Variants in CTNNA2 observed in about 807,000 individuals in gnomAD.
CTNNA2 encodes the protein catenin alpha 2.
CTNNA2 carries 42 observed loss-of-function variants against 101.0 expected under a neutral mutation model. The ratio of observed to expected loss-of-function variants is 0.42; its 90% CI spans 0.32 to 0.54. CTNNA2 has a LOEUF of 0.54. Ranked by LOEUF, CTNNA2 falls within the 20% of genes least tolerant of loss-of-function variation. The pLI is 0.14. For synonymous variants in CTNNA2, 450 were observed against 456.4 expected (o/e 0.99, Z 0.18); for missense variants, 871 against 1,223.1 (o/e 0.71, Z 4.29).
intron 9 of CTNNA2, among the ~76,000 whole-genome samples, chr2:80,467,953 G>A (rs60372717): frequency 0.017 from 2,625 of 152,188 alleles, 68 homozygotes; most frequent in African/African-American, 0.059. Flanking sequence ...ATAGTGTTTG[G>A]TTATAGCAGC....
chr2:80,241,548 A>G (rs930275972), intron 7 of CTNNA2, among the ~76,000 whole-genome samples: 1 of 151,774 alleles, frequency 6.6e-6, no homozygotes, highest in Non-Finnish European at 1.5e-5. Context: ...ATATATATCT[A>G]TACATCTGTA....
At chr2:80,562,716 G>A (rs1420113238) in intron 12 of CTNNA2, among the ~76,000 whole-genome samples, 1 of 151,982 alleles carries the variant, frequency 6.6e-6, no homozygotes, top group East Asian at 1.9e-4. Flanking sequence ...AATAAATTAT[G>A]GTCTAATCAC....
At chr2:79,902,468 G>T (rs770834824) in intron 6 of CTNNA2, among the ~76,000 whole-genome samples, 7 of 152,000 alleles carry the variant, frequency 4.6e-5, no homozygotes, top group Non-Finnish European at 8.8e-5. Context: ...GATAGATTTT[G>T]CATATTAATA....
chr2:79,464,039 G>A (rs1437038485), intron 4 of CTNNA2, among the ~76,000 whole-genome samples: 1 of 151,692 alleles, frequency 6.6e-6, no homozygotes. Context: ...CAATATGCAG[G>A]TTGGTTACAT....
chr2:80,436,643 C>T (rs577144717), intron 9 of CTNNA2, among the ~76,000 whole-genome samples: 1 of 152,266 alleles, frequency 6.6e-6, no homozygotes, highest in South Asian at 2.1e-4. Context: ...CTCACAGTTC[C>T]AGAGGCTGGG....
At chr2:79,277,456 C>A (rs1042949524) in intron 2 of CTNNA2, among the ~76,000 whole-genome samples, 1 of 151,942 alleles carries the variant, frequency 6.6e-6, no homozygotes, top group East Asian at 1.9e-4. Context: ...CAGGATGCAG[C>A]CTGGGGGCAA....
chr2:80,095,988 TG>T (rs1310084463), intron 7 of CTNNA2, among the ~76,000 whole-genome samples: 1 of 152,154 alleles, frequency 6.6e-6, no homozygotes, highest in Non-Finnish European at 1.5e-5. Context: ...AAGGGTTTTT[TG>T]TGTCTCTATT....
chr2:79,332,943 A>G (rs1676908666), intron 3 of CTNNA2, among the ~76,000 whole-genome samples: 1 of 143,246 alleles, frequency 7.0e-6, no homozygotes, highest in East Asian at 2.2e-4. Context: ...TTACTGCTCT[A>G]AATGGAAAAA....
At chr2:79,911,449 A>G (rs1202206365) in intron 7 of CTNNA2, among the ~76,000 whole-genome samples, 1 of 152,186 alleles carries the variant, frequency 6.6e-6, no homozygotes, top group Admixed American at 6.5e-5. Flanking sequence ...AAATCACAGA[A>G]CGTGACTAAA....
chr2:80,512,717 C>G (rs1238447411), intron 9 of CTNNA2, among the ~76,000 whole-genome samples: 1 of 151,676 alleles, frequency 6.6e-6, no homozygotes, highest in Non-Finnish European at 1.5e-5. Flanking sequence ...AGAATCACTA[C>G]ATTTGTTCAC....
chr2:79,244,015 G>T (rs1458365437), intron 2 of CTNNA2, among the ~76,000 whole-genome samples: 3 of 152,056 alleles, frequency 2.0e-5, no homozygotes, highest in Non-Finnish European at 2.9e-5. Context: ...GTTAACCCTG[G>T]CACCCTCTGA....
chr2:79,254,232 A>T (rs1674810437), intron 2 of CTNNA2, among the ~76,000 whole-genome samples: 1 of 152,198 alleles, frequency 6.6e-6, no homozygotes, highest in South Asian at 2.1e-4. Flanking sequence ...TCCCAGATCA[A>T]AGTGGAATGT....
chr2:79,473,892 A>G (rs114520053), intron 4 of CTNNA2, among the ~76,000 whole-genome samples: 379 of 152,304 alleles, frequency 2.5e-3, no homozygotes, highest in Non-Finnish European at 4.5e-3. Flanking sequence ...GCTTTGTCCA[A>G]TAGAATTTCT....
chr2:80,331,021 G>GGTTTTTTT (rs1559014558), intron 7 of CTNNA2, among the ~76,000 whole-genome samples: 1 of 139,680 alleles, frequency 7.2e-6, no homozygotes. Context: ...TAAACTGTAT[G>GGTTTTTTT]TTTTTTTTTT....
At chr2:79,912,903 T>TA (rs1177070884) in intron 7 of CTNNA2, among the ~76,000 whole-genome samples, 1 of 152,176 alleles carries the variant, frequency 6.6e-6, no homozygotes, top group Non-Finnish European at 1.5e-5. Context: ...GGTGGCAGTA[T>TA]AAACATAACA....
At chr2:80,430,724 T>A (rs924156237) in intron 9 of CTNNA2, among the ~76,000 whole-genome samples, 1 of 152,162 alleles carries the variant, frequency 6.6e-6, no homozygotes, top group Non-Finnish European at 1.5e-5. Flanking sequence ...ACATTAGACA[T>A]TAGAAGGTTA....
chr2:80,416,039 T>G (rs902429427), intron 8 of CTNNA2, among the ~76,000 whole-genome samples: 4 of 152,044 alleles, frequency 2.6e-5, no homozygotes, highest in Admixed American at 6.6e-5. Flanking sequence ...AGCCAGTGGT[T>G]GCTAGGGGCT....
intron 7 of CTNNA2, among the ~76,000 whole-genome samples, chr2:80,196,678 C>G (rs1706851602): frequency 6.6e-6 from 1 of 151,958 alleles, no homozygotes; most frequent in Admixed American, 6.6e-5. Context: ...ATGATTACTT[C>G]TTCCTGGACT....
chr2:79,699,816 C>CACAA (rs1684880177), intron 2 of CTNNA2, among the ~76,000 whole-genome samples: 3 of 119,694 alleles, frequency 2.5e-5, no homozygotes, highest in African/African-American at 2.9e-5. Context: ...CACACACACA[C>CACAA]ACACACACAC....
Sources: allele counts gnomAD v4.1 joint callset (sites outside exome capture counted in the v4.1 genomes callset), GRCh38; gene constraint gnomAD v4.1.1; transcripts MANE v1.5; gene names NCBI Gene and HGNC (gene_info 2026-07-23, HGNC 2026-07-21).